The following SMYD3 variants were observed in gnomAD, a reference collection of about 807,000 sequenced individuals.
SMYD3 encodes SET and MYND domain containing 3, also known as histone-lysine N-methyltransferase SMYD3.
Under a neutral mutation model 57.7 loss-of-function variants are expected in SMYD3, and 36 were observed. The observed-to-expected ratio is 0.62, with a 90% CI of 0.48 to 0.82. The LOEUF is 0.82. Ranked by LOEUF, SMYD3 falls within the 40% of genes least tolerant of loss-of-function variation. The pLI is 0.00. For synonymous variants in SMYD3, 211 were observed against 195.0 expected, an observed-to-expected ratio of 1.08 and a Z score of -0.68; for missense variants, 515 against 538.8, an observed-to-expected ratio of 0.96 and a Z score of 0.44.
At chr1:246,184,461 A>T (rs1186731564) in intron 5 of SMYD3, among the ~76,000 whole-genome samples, 2 of 152,116 alleles carry the variant, frequency 1.3e-5, no homozygotes, top group East Asian at 3.9e-4. Context: ...CTCTGGGGAG[A>T]CTACTTCTTG....
intron 5 of SMYD3, among the ~76,000 whole-genome samples, chr1:246,190,315 G>A (rs188088803): frequency 2.0e-3 from 299 of 152,254 alleles, no homozygotes; most frequent in African/African-American, 7.0e-3. Context: ...GGCCGGGCGC[G>A]GTGGCTCACG....
intron 1 of SMYD3, among the ~76,000 whole-genome samples, chr1:246,408,972 G>C (rs1194723641): frequency 6.6e-6 from 1 of 152,054 alleles, no homozygotes; most frequent in Admixed American, 6.6e-5. Context: ...ACCCAGCCAA[G>C]TCTTTAAAGT....
intron 8 of SMYD3, among the ~76,000 whole-genome samples, chr1:245,895,623 C>T (rs926828384): frequency 2.0e-5 from 3 of 152,152 alleles, no homozygotes; most frequent in Non-Finnish European, 2.9e-5. Flanking sequence ...ATAACTTTTG[C>T]GCTAACATTC....
At chr1:245,958,694 A>G (rs2057919187) in intron 5 of SMYD3, among the ~76,000 whole-genome samples, 1 of 152,198 alleles carries the variant, frequency 6.6e-6, no homozygotes. Flanking sequence ...TCCTAGAAAG[A>G]AGAAGCTACA....
chr1:245,998,987 T>C (rs773099975), intron 5 of SMYD3, among the ~76,000 whole-genome samples: 9 of 151,656 alleles, frequency 5.9e-5, no homozygotes, highest in Non-Finnish European at 1.2e-4. Context: ...GTGTCCAGGG[T>C]TGAGGTGAAA....
chr1:246,183,940 G>C (rs942939517), intron 5 of SMYD3, among the ~76,000 whole-genome samples: 3 of 152,178 alleles, frequency 2.0e-5, no homozygotes, highest in South Asian at 2.1e-4. Context: ...GTGGTAACAG[G>C]ATACATATCA....
rs148753874 is a variant in SMYD3, at chr1:245,791,744, G to A, written c.1077-27595C>T. ...CCTTCAGCTAGATTGTGTCTGATAC[G>A]CAGAGGTCACATGTGTTTGGAAGCC... On this transcript the variant is annotated intron_variant, in intron 10 of 11. Coordinates refer to ENST00000490107, the MANE Select transcript of SMYD3 (RefSeq NM_001167740.2). Among the ~76,000 whole-genome samples, 806 of 152,202 alleles carry A rather than the reference G, an allele frequency of 5.3e-3. 6 individuals are homozygous for A. Among genetic ancestry groups the A allele is most frequent in the African/African-American group, 0.019 (771 of 41,512 alleles).
At chr1:246,047,121 G>A (rs2059981755) in intron 5 of SMYD3, among the ~76,000 whole-genome samples, 1 of 152,078 alleles carries the variant, frequency 6.6e-6, no homozygotes, top group Non-Finnish European at 1.5e-5. Context: ...AGAATCCAGT[G>A]GTATTTTTTC....
chr1:246,081,900 G>T (rs912766910), intron 5 of SMYD3, among the ~76,000 whole-genome samples: 1 of 152,200 alleles, frequency 6.6e-6, no homozygotes, highest in Non-Finnish European at 1.5e-5. Context: ...TTTAAAGAAA[G>T]AATTTAAAAT....
chr1:246,252,157 CCGCGGACA>C lies in SMYD3; in HGVS notation c.531+75036_531+75043del, dbSNP rs1255889048. On this transcript the variant is annotated intron_variant, in intron 5 of 11. Transcript: ENST00000490107. ...ACACTGTGCCCGGCTTTAGTAGGTG[CCGCGGACA>C]CTGTGCCCGGCTTTAGTAGGTGCCT... Among the ~76,000 whole-genome samples, 158 of 40,652 alleles carry C rather than the reference CCGCGGACA, an allele frequency of 3.9e-3. 35 individuals are homozygous for C. Among genetic ancestry groups the C allele is most frequent in the South Asian group, 0.017 (8 of 462 alleles). 26.7% of individuals were successfully genotyped at this position (40,652 alleles called of 152,430 possible). A position where few individuals can be genotyped will look rare whatever the true frequency, so the allele number is the denominator to read the frequency against.
intron 5 of SMYD3, among the ~76,000 whole-genome samples, chr1:246,085,556 T>G (rs992873192): frequency 2.0e-5 from 3 of 152,154 alleles, no homozygotes; most frequent in African/African-American, 7.2e-5. Context: ...AAACATGCAG[T>G]GACATAGAGA....
At chr1:246,466,215 C>G (rs2067878405) in intron 1 of SMYD3, among the ~76,000 whole-genome samples, 1 of 152,236 alleles carries the variant, frequency 6.6e-6, no homozygotes, top group Non-Finnish European at 1.5e-5. Flanking sequence ...ATAAATCATT[C>G]TAACCTAAAG....
At chr1:246,206,265 G>GGGAA (rs138126466) in intron 5 of SMYD3, among the ~76,000 whole-genome samples, 29,886 of 151,520 alleles carry the variant, frequency 0.2, 3,295 homozygotes, top group East Asian at 0.34. Flanking sequence ...CATCAAAATG[G>GGGAA]GGAAGGAAGG....
Position 245,941,981 on chromosome 1 carries a change from C to T in SMYD3, c.532-12044G>A, listed in dbSNP as rs188972947. On this transcript the variant is annotated intron_variant, in intron 5 of 11. Transcript: ENST00000490107. ...CTTGCAAGAGCTCCTAAAGGAAGCA[C>T]TAAATAAGGAAAGGAAAAACTGTTA... Among the ~76,000 whole-genome samples the T allele has an allele frequency of 3.6e-3, 553 of 152,188 alleles. 2 individuals carry two copies. Among genetic ancestry groups the T allele is most frequent in the Admixed American group, 5.9e-3 (90 of 15,280 alleles).
chr1:246,089,702 C>T (rs954812756), intron 5 of SMYD3, among the ~76,000 whole-genome samples: 4 of 152,106 alleles, frequency 2.6e-5, no homozygotes, highest in Admixed American at 6.5e-5. Flanking sequence ...CCAAAAGTCT[C>T]GGGTAGAAAA....
At chr1:246,218,730 T>A (rs959217084) in intron 5 of SMYD3, among the ~76,000 whole-genome samples, 1 of 152,146 alleles carries the variant, frequency 6.6e-6, no homozygotes, top group Non-Finnish European at 1.5e-5. Flanking sequence ...ATTTTGTGTG[T>A]GTTCAATAAA....
chr1:246,046,089 T>C (rs1315144698), intron 5 of SMYD3, among the ~76,000 whole-genome samples: 2 of 152,150 alleles, frequency 1.3e-5, no homozygotes. Context: ...GATCTAGAAC[T>C]AGAAATACCA....
intron 5 of SMYD3, among the ~76,000 whole-genome samples, chr1:245,934,147 G>T (rs186939269): frequency 2.6e-4 from 39 of 152,312 alleles, no homozygotes; most frequent in African/African-American, 9.1e-4. Context: ...GTCTGGCACA[G>T]AAGACTTTAG....
intron 5 of SMYD3, among the ~76,000 whole-genome samples, chr1:246,140,037 T>G (rs2061727652): frequency 6.6e-6 from 1 of 152,176 alleles, no homozygotes; most frequent in Non-Finnish European, 1.5e-5. Flanking sequence ...AGACAAAACA[T>G]AAGAATGGAC....
Sources: allele counts gnomAD v4.1 joint callset (sites outside exome capture counted in the v4.1 genomes callset), GRCh38; gene constraint gnomAD v4.1.1; transcripts MANE v1.5; gene names NCBI Gene and HGNC (gene_info 2026-07-23, HGNC 2026-07-21).